Variants in MIR2052HG observed in about 807,000 individuals in gnomAD.
The protein encoded by MIR2052HG is MIR2052 host gene.
intron 4 of MIR2052HG, among the ~76,000 whole-genome samples, chr8:74,726,123 G>A (rs1809633081): frequency 6.6e-6 from 1 of 152,134 alleles, no homozygotes; most frequent in Admixed American, 6.5e-5. Context: ...AATCCGGGAG[G>A]CGGAGGTTGC....
intron 2 of MIR2052HG, among the ~76,000 whole-genome samples, chr8:74,640,334 G>C (rs1808625958): frequency 6.6e-6 from 1 of 151,880 alleles, no homozygotes; most frequent in South Asian, 2.1e-4. Context: ...AGCTGGGCGT[G>C]GTGGTGCTTG....
chr8:74,660,719 C>A (rs1808853383), intron 2 of MIR2052HG, among the ~76,000 whole-genome samples: 1 of 152,170 alleles, frequency 6.6e-6, no homozygotes, highest in South Asian at 2.1e-4. Context: ...TCATCAATTA[C>A]ATGAGCGTTC....
At chr8:74,647,345 G>A (rs1366482877) in intron 2 of MIR2052HG, among the ~76,000 whole-genome samples, 1 of 152,128 alleles carries the variant, frequency 6.6e-6, no homozygotes, top group Non-Finnish European at 1.5e-5. Context: ...CTGTGAAATG[G>A]AGATGACGAA....
In MIR2052HG at chr8:74,652,114, C is replaced by T. The variant is rs1203307161; in HGVS notation, n.216+39174C>T. On this transcript the variant is annotated intron_variant and non_coding_transcript_variant, in intron 2 of 6. Transcript: ENST00000523442. ...AGAGTTATATCAACATAGGCTATAG[C>T]CTCAGTGTCATCTCTGATTAGTTGC... Among the ~76,000 whole-genome samples, 3 of 152,130 alleles carry T rather than the reference C, an allele frequency of 2.0e-5. No homozygotes were observed. In the East Asian group the frequency reaches 5.8e-4, roughly 29 times the overall value.
intron 4 of MIR2052HG, among the ~76,000 whole-genome samples, chr8:74,726,427 C>T (rs147303574): frequency 2.8e-4 from 43 of 152,270 alleles, no homozygotes; most frequent in African/African-American, 1.0e-3. Flanking sequence ...AAGTACCAAG[C>T]GATTGGTAAG....
chr8:74,613,027 C>A, intron 2 of MIR2052HG: 1 of 430,596 alleles, frequency 2.3e-6, no homozygotes, highest in Non-Finnish European at 4.7e-6. Context: ...GACAGTGAAA[C>A]CTCACTAAAG....
chr8:74,740,905 C>A (rs1809821187), intron 4 of MIR2052HG, among the ~76,000 whole-genome samples: 1 of 152,142 alleles, frequency 6.6e-6, no homozygotes, highest in Admixed American at 6.5e-5. Context: ...TATGATAGTT[C>A]CAGATTAAAT....
At chr8:74,700,289 A>G (rs549450585) in intron 2 of MIR2052HG, among the ~76,000 whole-genome samples, 2 of 152,228 alleles carry the variant, frequency 1.3e-5, no homozygotes, top group Non-Finnish European at 2.9e-5. Flanking sequence ...ATGCTGCTAC[A>G]GACATATAAG....
At chr8:74,618,819 A>G (rs772540928) in intron 2 of MIR2052HG, among the ~76,000 whole-genome samples, 99 of 152,342 alleles carry the variant, frequency 6.5e-4, no homozygotes, top group Admixed American at 1.2e-3. Context: ...GAAAGAAATA[A>G]CATGCACTCT....
chr8:74,727,159 C>T (rs542941250), intron 4 of MIR2052HG, among the ~76,000 whole-genome samples: 1 of 152,286 alleles, frequency 6.6e-6, no homozygotes, highest in Non-Finnish European at 1.5e-5. Flanking sequence ...GACACACACA[C>T]ACACTTAAAT....
chr8:74,701,945 AAT>A (rs1809362330), intron 2 of MIR2052HG, among the ~76,000 whole-genome samples: 1 of 152,056 alleles, frequency 6.6e-6, no homozygotes, highest in South Asian at 2.1e-4. Flanking sequence ...GGTTACCAAT[AAT>A]GAGGTTTCAA....
chr8:74,634,682 G>A (rs1264352904), intron 2 of MIR2052HG, among the ~76,000 whole-genome samples: 1 of 152,020 alleles, frequency 6.6e-6, no homozygotes, highest in Non-Finnish European at 1.5e-5. Flanking sequence ...TATCTTTAAG[G>A]AAGCAACATC....
At chr8:74,743,500 G>A (rs1809852840) in intron 4 of MIR2052HG, among the ~76,000 whole-genome samples, 1 of 152,164 alleles carries the variant, frequency 6.6e-6, no homozygotes, top group Non-Finnish European at 1.5e-5. Flanking sequence ...AAGAAGGGAA[G>A]TGTAATCTGA....
chr8:74,688,449 A>G (rs1233601490), intron 2 of MIR2052HG, among the ~76,000 whole-genome samples: 2 of 152,222 alleles, frequency 1.3e-5, no homozygotes, highest in Admixed American at 6.5e-5. Context: ...TATAAGCACA[A>G]TGATAACACT....
At chr8:74,752,191 A>G (rs2128756800) in intron 4 of MIR2052HG, among the ~76,000 whole-genome samples, 1 of 148,690 alleles carries the variant, frequency 6.7e-6, no homozygotes. Flanking sequence ...CTGAGATGGG[A>G]GGATTTCCTC....
chr8:74,704,282 T>G (rs1287181197), intron 4 of MIR2052HG, among the ~76,000 whole-genome samples: 1 of 152,056 alleles, frequency 6.6e-6, no homozygotes, highest in African/African-American at 2.4e-5. Flanking sequence ...ATGTGATCAA[T>G]GCTTGGTTGT....
intron 2 of MIR2052HG, among the ~76,000 whole-genome samples, chr8:74,623,154 C>CA (rs1370331377): frequency 6.6e-6 from 1 of 152,162 alleles, no homozygotes; most frequent in East Asian, 1.9e-4. Flanking sequence ...GTTCTCATCA[C>CA]AAAAAAGATA....
chr8:74,733,478 T>C (rs1270346344), intron 4 of MIR2052HG, among the ~76,000 whole-genome samples: 20 of 151,210 alleles, frequency 1.3e-4, no homozygotes, highest in African/African-American at 4.6e-4. Context: ...ATCCAGTCTA[T>C]CATTGTTGGA....
At chr8:74,737,922 A>G (rs898871666) in intron 4 of MIR2052HG, among the ~76,000 whole-genome samples, 7 of 152,158 alleles carry the variant, frequency 4.6e-5, no homozygotes, top group Admixed American at 6.6e-5. Context: ...TAAACATTTG[A>G]AAATATTTTG....
Sources: gnomAD v4.1 joint callset for allele counts (sites outside exome capture counted in the v4.1 genomes callset) on GRCh38, gnomAD v4.1.1 for gene constraint, MANE v1.5 for transcripts, NCBI Gene and HGNC (gene_info 2026-07-23, HGNC 2026-07-21) for gene names.